DOCK7: variants seen among roughly 807,000 people sequenced by gnomAD.
DOCK7 encodes dedicator of cytokinesis 7, also known as dedicator of cytokinesis protein 7.
In DOCK7, 138 loss-of-function variants were observed where a neutral mutation model predicts 271.0. That is an observed-to-expected ratio of 0.51 (90% CI 0.44 to 0.59). The LOEUF is 0.59. Ranked by LOEUF, DOCK7 falls within the 20% of genes least tolerant of loss-of-function variation. DOCK7 has a pLI of 0.00. For missense variants in DOCK7, 2,066 were observed against 2,592.4 expected (o/e 0.80, Z 4.41); for synonymous variants, 823 against 876.1 (o/e 0.94, Z 1.07).
intron 14 of DOCK7, among the ~76,000 whole-genome samples, chr1:62,610,049 T>C (rs1571758262): frequency 6.6e-6 from 1 of 152,004 alleles, no homozygotes; most frequent in Non-Finnish European, 1.5e-5. Flanking sequence ...CGGAGTTTCA[T>C]CATGTTGGTC....
At chr1:62,520,922 C>T (rs937723588) in intron 31 of DOCK7, among the ~76,000 whole-genome samples, 1 of 152,060 alleles carries the variant, frequency 6.6e-6, no homozygotes, top group African/African-American at 2.4e-5. Context: ...ACTATGCAGC[C>T]ATAAAAAGGA....
rs374959947 is a variant in DOCK7 at position 62,513,913 on chromosome 1, C to G, written c.3937-15G>C. 59 of 1,606,564 alleles carry G rather than the reference C, an allele frequency of 3.7e-5. No individual in the cohort carries two copies. Among genetic ancestry groups the G allele is most frequent in the Non-Finnish European group, 4.6e-5 (54 of 1,176,780 alleles). On this transcript the variant is annotated splice_polypyrimidine_tract_variant and intron_variant, in intron 31 of 49. Coordinates refer to ENST00000635253, the MANE Select transcript of DOCK7 (RefSeq NM_001367561.1). ...TGCCTGCCACTCTGAAAATAAAGAGCAGTAGAATGAGACAGATTGATCAAA... is the reference window on the plus strand; with the variant it reads ...TGCCTGCCACTCTGAAAATAAAGAGGAGTAGAATGAGACAGATTGATCAAA...
At chr1:62,636,478 A>T (rs1655287136) in intron 8 of DOCK7, 59 bp downstream of exon 8, 2 of 1,320,380 alleles carry the variant, frequency 1.5e-6, no homozygotes, top group Admixed American at 4.4e-5. Context: ...TATAAAACAA[A>T]CAGGTTTCTG....
chr1:62,575,457 A>G (rs1333619868), intron 18 of DOCK7, among the ~76,000 whole-genome samples: 1 of 152,198 alleles, frequency 6.6e-6, no homozygotes, highest in Non-Finnish European at 1.5e-5. Flanking sequence ...TTTCTTAAGA[A>G]CATTTTCTTT....
At chr1:62,561,987 T>C (rs531061863) in intron 18 of DOCK7, among the ~76,000 whole-genome samples, 7 of 151,462 alleles carry the variant, frequency 4.6e-5, no homozygotes, top group Non-Finnish European at 8.8e-5. Flanking sequence ...CCTTCATATA[T>C]GTACATATAT....
At chr1:62,467,614 A>G (rs1645716186) in intron 48 of DOCK7, among the ~76,000 whole-genome samples, 1 of 152,204 alleles carries the variant, frequency 6.6e-6, no homozygotes, top group Non-Finnish European at 1.5e-5. Context: ...AAAAAGCAAA[A>G]ATGTCAGACA....
At position 62,597,460 on chromosome 1, in the gene DOCK7, C is replaced by T. The variant is rs1011577448; in HGVS notation, c.1683-10836G>A. On this transcript the variant is annotated intron_variant, in intron 14 of 49. Transcript: ENST00000635253. ...ATGATTAACTATGTTCACCTACCAACCTTACCTTTTCTGGGCAAATATTGG... is the reference window on the plus strand; with the variant it reads ...ATGATTAACTATGTTCACCTACCAATCTTACCTTTTCTGGGCAAATATTGG... The T allele has an allele frequency of 1.4e-5, 18 of 1,245,726 alleles. No homozygotes were observed. The African/African-American group carries it at 2.6e-4, about 18-fold the overall frequency. 77.2% of individuals were successfully genotyped at this position (1,245,726 alleles called of 1,614,324 possible). A position where few individuals can be genotyped will look rare whatever the true frequency, so the allele number is the denominator to read the frequency against.
chr1:62,601,518 TG>T (rs1276732509), intron 14 of DOCK7, among the ~76,000 whole-genome samples: 1 of 151,672 alleles, frequency 6.6e-6, no homozygotes, highest in Admixed American at 6.6e-5. Context: ...TAAAGGTCAC[TG>T]GACTCCAGAC....
chr1:62,604,546 G>A, intron 14 of DOCK7: 2 of 1,361,654 alleles, frequency 1.5e-6, no homozygotes, highest in Non-Finnish European at 2.1e-6. Flanking sequence ...ATATTTATAA[G>A]AAAGGAAGAT....
At chr1:62,512,047 T>G (rs749348617) in intron 33 of DOCK7, among the ~76,000 whole-genome samples, 23 of 152,306 alleles carry the variant, frequency 1.5e-4, no homozygotes, top group East Asian at 7.7e-4. Context: ...AAAAGTACAC[T>G]GTAAATTGTA....
In DOCK7 at chr1:62,647,701, A is replaced by G; in HGVS notation, c.808T>C (p.Leu270=). The change falls in exon 7 of 50, where the codon TTA becomes CTA. Residue 270 remains leucine, a synonymous_variant. Transcript: ENST00000635253. ...GAAATAAATACTCACTTGAGTGATAAGCATTTTACAAGAAGTCTTTGACCA... is the reference window on the plus strand; with the variant it reads ...GAAATAAATACTCACTTGAGTGATAGGCATTTTACAAGAAGTCTTTGACCA... ...HFGQRLLVKC[L]SLKFEIEIEP... 1 of 1,603,290 alleles carries G rather than the reference A, an allele frequency of 6.2e-7. No individual in the cohort carries two copies. Among genetic ancestry groups the G allele is most frequent in the Non-Finnish European group, 8.5e-7 (1 of 1,175,030 alleles).
intron 1 of DOCK7, among the ~76,000 whole-genome samples, chr1:62,673,146 A>G (rs903032518): frequency 2.0e-5 from 3 of 150,900 alleles, no homozygotes; most frequent in African/African-American, 7.3e-5. Context: ...AGGCTCAAGA[A>G]AACTAAAACA....
chr1:62,604,767 A>AT (rs1411966537), intron 14 of DOCK7: 1 of 1,612,928 alleles, frequency 6.2e-7, no homozygotes, highest in African/African-American at 1.3e-5. Flanking sequence ...ATACTCTATA[A>AT]AATCAACCAA....
Position 62,602,367 on chromosome 1 carries a change from T to C in DOCK7, c.1683-15743A>G, listed in dbSNP as rs993301354. 4 of 1,610,624 alleles carry C rather than the reference T, an allele frequency of 2.5e-6. No individual in the cohort carries two copies. The highest frequency in any genetic ancestry group is 3.4e-6 in the Non-Finnish European group (4 of 1,177,530). Reference sequence around the variant, plus strand: ...CGTGGGAGAACTACAAATATGGTTTTGGGAGGCTTGATGGTAAGGGGACTA... The same window carrying C: ...CGTGGGAGAACTACAAATATGGTTTCGGGAGGCTTGATGGTAAGGGGACTA... On this transcript the variant is annotated intron_variant, in intron 14 of 49. Transcript: ENST00000635253.
intron 7 of DOCK7, among the ~76,000 whole-genome samples, chr1:62,644,286 G>T (rs1656371544): frequency 6.6e-6 from 1 of 152,176 alleles, no homozygotes; most frequent in African/African-American, 2.4e-5. Context: ...CTTATGACCT[G>T]GAATTCTCAA....
chr1:62,597,731 TG>T, intron 14 of DOCK7: 2 of 1,613,618 alleles, frequency 1.2e-6, no homozygotes, highest in Non-Finnish European at 1.7e-6. Flanking sequence ...AGTTGGGACA[TG>T]GTCTTAAAGA....
At chr1:62,556,132 T>C (rs1180652032) in intron 20 of DOCK7, 143 bp from the exon 21 acceptor site, 2 of 839,588 alleles carry the variant, frequency 2.4e-6, no homozygotes, top group African/African-American at 1.7e-5. Flanking sequence ...CTATTTGATA[T>C]TGACTTTTAA....
intron 48 of DOCK7, among the ~76,000 whole-genome samples, chr1:62,469,311 A>C (rs1044157629): frequency 2.0e-5 from 3 of 152,320 alleles, no homozygotes; most frequent in Admixed American, 2.0e-4. Context: ...ACAAAAACAT[A>C]AAGTGAGGAA....
intron 14 of DOCK7, among the ~76,000 whole-genome samples, chr1:62,593,350 A>T (rs916608225): frequency 2.6e-5 from 4 of 152,166 alleles, no homozygotes; most frequent in Admixed American, 6.5e-5. Flanking sequence ...TAGGCAGATC[A>T]CCTGAGGTCA....
Sources: allele counts gnomAD v4.1 joint callset (sites outside exome capture counted in the v4.1 genomes callset), GRCh38; gene constraint gnomAD v4.1.1; transcripts MANE v1.5; gene names NCBI Gene and HGNC (gene_info 2026-07-23, HGNC 2026-07-21).